VAV3: variants seen among roughly 807,000 people sequenced by gnomAD.
VAV3 encodes the protein vav guanine nucleotide exchange factor 3.
VAV3 carries 94 observed loss-of-function variants against 131.2 expected under a neutral mutation model. The observed-to-expected ratio is 0.72, with a 90% confidence interval of 0.61 to 0.85. VAV3 has a LOEUF of 0.85. VAV3 is among the 40% of genes least tolerant of loss of function. The pLI is 0.00. For synonymous variants in VAV3, 349 were observed against 342.0 expected (o/e 1.02, Z -0.22); for missense variants, 939 against 1,002.7 (o/e 0.94, Z 0.86).
At position 107,930,671 on chromosome 1, in the gene VAV3, T is replaced by C. The variant is rs546260430; in HGVS notation, c.204+33995A>G. On this transcript the variant is annotated intron_variant, in intron 1 of 26. Transcript: ENST00000370056. ...TTTTGCAAGTCCTAAAAAATTGTTT[T>C]AGGCAAAGATTAATAATAAATGACA... is the stretch of plus-strand genomic sequence containing the variant. 7.9e-4 allele frequency among the ~76,000 whole-genome samples: 120 copies of C among 152,296 alleles called. 1 individual carries two copies. The highest frequency in any genetic ancestry group is 2.9e-3 in the African/African-American group (119 of 41,560).
intron 15 of VAV3, among the ~76,000 whole-genome samples, chr1:107,721,503 A>G (rs1042338098): frequency 6.6e-6 from 1 of 152,192 alleles, no homozygotes; most frequent in Admixed American, 6.5e-5. Context: ...TAAGGGCCAC[A>G]AGGCTGGATA....
At chr1:107,803,179 T>C (rs1666907890) in intron 2 of VAV3, among the ~76,000 whole-genome samples, 1 of 151,984 alleles carries the variant, frequency 6.6e-6, no homozygotes, top group Non-Finnish European at 1.5e-5. Flanking sequence ...TCTCAGTTGT[T>C]ATGTCGCCTT....
chr1:107,852,060 A>T (rs1669255629), intron 2 of VAV3, among the ~76,000 whole-genome samples: 1 of 152,196 alleles, frequency 6.6e-6, no homozygotes, highest in South Asian at 2.1e-4. Context: ...TTAAGTTATC[A>T]TACCTCCAAC....
intron 15 of VAV3, among the ~76,000 whole-genome samples, chr1:107,737,787 G>C (rs1382656899): frequency 6.6e-6 from 1 of 152,212 alleles, no homozygotes; most frequent in Non-Finnish European, 1.5e-5. Context: ...CATTGTGGAA[G>C]ACAGTGTGGC....
chr1:107,964,585 T>G, intron 1 of VAV3, 81 bp downstream of exon 1: 1 of 1,471,358 alleles, frequency 6.8e-7, no homozygotes. Flanking sequence ...ACCTAGACGT[T>G]TGCATTTACA....
chr1:107,738,858 T>C (rs1373652503), intron 15 of VAV3, among the ~76,000 whole-genome samples: 1 of 152,088 alleles, frequency 6.6e-6, no homozygotes, highest in Non-Finnish European at 1.5e-5. Flanking sequence ...ACAATCTTAC[T>C]CTTTGAGCAA....
chr1:107,911,598 G>T (rs1557918540), intron 1 of VAV3, among the ~76,000 whole-genome samples: 1 of 152,182 alleles, frequency 6.6e-6, no homozygotes, highest in African/African-American at 2.4e-5. Context: ...GGTATGCTCA[G>T]TATTTTCATT....
At chr1:107,940,216 G>C (rs920247086) in intron 1 of VAV3, among the ~76,000 whole-genome samples, 6 of 152,162 alleles carry the variant, frequency 3.9e-5, no homozygotes, top group Non-Finnish European at 5.9e-5. Flanking sequence ...AGTTCCTTCA[G>C]AGCCTCAGAT....
At chr1:107,681,815 A>G (rs1161738682) in intron 19 of VAV3, among the ~76,000 whole-genome samples, 5 of 151,436 alleles carry the variant, frequency 3.3e-5, no homozygotes, top group South Asian at 2.1e-4. Context: ...CACCACCCCC[A>G]GCTATTTTTT....
intron 1 of VAV3, among the ~76,000 whole-genome samples, chr1:107,924,382 G>C (rs1200925216): frequency 6.9e-6 from 1 of 145,904 alleles, no homozygotes; most frequent in Non-Finnish European, 1.5e-5. Context: ...CCCTCCAGTC[G>C]ATATTATGAC....
intron 17 of VAV3, among the ~76,000 whole-genome samples, chr1:107,701,873 C>T (rs1452406865): frequency 6.6e-6 from 1 of 152,188 alleles, no homozygotes; most frequent in Non-Finnish European, 1.5e-5. Flanking sequence ...CCATTATCAG[C>T]ACTTTGGTCA....
chr1:107,709,984 A>G (rs1208074667), intron 15 of VAV3, among the ~76,000 whole-genome samples: 1 of 152,250 alleles, frequency 6.6e-6, no homozygotes, highest in Non-Finnish European at 1.5e-5. Context: ...TATTTCAGTA[A>G]TAAGTATGAC....
intron 15 of VAV3, among the ~76,000 whole-genome samples, chr1:107,746,733 T>C (rs1383150636): frequency 1.3e-5 from 2 of 152,176 alleles, no homozygotes; most frequent in African/African-American, 4.8e-5. Context: ...GTGGTATTTC[T>C]ACAAGGAATC....
intron 25 of VAV3, chr1:107,576,275 C>A: frequency 1.2e-6 from 1 of 808,152 alleles, no homozygotes; most frequent in Admixed American, 3.6e-5. Flanking sequence ...GGTAATGGAA[C>A]TCGAGGGATT....
intron 1 of VAV3, among the ~76,000 whole-genome samples, chr1:107,948,505 A>G (rs1039315251): frequency 6.6e-6 from 1 of 152,318 alleles, no homozygotes; most frequent in Middle Eastern, 3.4e-3. Flanking sequence ...AACTAGAATT[A>G]TCTGTAACAA....
At chr1:107,769,549 A>C (rs1272613883) in intron 6 of VAV3, among the ~76,000 whole-genome samples, 1 of 152,148 alleles carries the variant, frequency 6.6e-6, no homozygotes, top group Non-Finnish European at 1.5e-5. Flanking sequence ...GGGTGATCTC[A>C]CTTAGTCCCA....
intron 19 of VAV3, among the ~76,000 whole-genome samples, chr1:107,668,107 G>A (rs1657536556): frequency 6.6e-6 from 1 of 152,158 alleles, no homozygotes; most frequent in Admixed American, 6.5e-5. Context: ...ACAATTAAGA[G>A]TGCTTATCCT....
intron 20 of VAV3, among the ~76,000 whole-genome samples, chr1:107,630,980 A>C (rs1418610433): frequency 6.6e-6 from 1 of 152,182 alleles, no homozygotes; most frequent in Non-Finnish European, 1.5e-5. Context: ...AGCTAATTTA[A>C]TCATGACAGC....
intron 20 of VAV3, among the ~76,000 whole-genome samples, chr1:107,624,564 A>T (rs1484723772): frequency 6.6e-6 from 1 of 152,220 alleles, no homozygotes; most frequent in Non-Finnish European, 1.5e-5. Context: ...GAAGCCATAT[A>T]ACCCAAAACC....
Sources: allele counts gnomAD v4.1 joint callset (sites outside exome capture counted in the v4.1 genomes callset), GRCh38; gene constraint gnomAD v4.1.1; transcripts MANE v1.5; gene names NCBI Gene and HGNC (gene_info 2026-07-23, HGNC 2026-07-21).